GDA: variants seen among roughly 807,000 people sequenced by gnomAD.
GDA encodes the protein guanine deaminase, also known as cytoplasmic PSD-95 interactor.
GDA carries 18 observed loss-of-function variants against 59.6 expected under a neutral mutation model. The ratio of observed to expected loss-of-function variants is 0.30; its 90% CI spans 0.21 to 0.45. GDA has a LOEUF of 0.45. Among genes scored for constraint, GDA ranks in the 20% least tolerant of loss-of-function variants. The pLI is 1.00. For synonymous variants in GDA, 201 were observed against 201.1 expected (o/e 1.00, Z 0.00); for missense variants, 427 against 552.3 (o/e 0.77, Z 2.27).
At chr9:72,203,869 T>C (rs1477864322) in intron 3 of GDA, among the ~76,000 whole-genome samples, 1 of 151,490 alleles carries the variant, frequency 6.6e-6, no homozygotes, top group African/African-American at 2.4e-5. Flanking sequence ...CAAGCTGGAG[T>C]GCAGTGGCAT....
intron 9 of GDA, chr9:72,228,968 G>T (rs1261287078): frequency 6.6e-6 from 1 of 151,902 alleles, no homozygotes; most frequent in Non-Finnish European, 1.5e-5. Context: ...TAATTTCAGG[G>T]AATTCATAGA....
At chr9:72,215,929 T>C (rs1294613401) in intron 5 of GDA, among the ~76,000 whole-genome samples, 2 of 152,222 alleles carry the variant, frequency 1.3e-5, no homozygotes, top group Non-Finnish European at 2.9e-5. Flanking sequence ...CAGAGCAGGT[T>C]CACTGCACAT....
chr9:72,157,691 C>A (rs1325015620), intron 1 of GDA, among the ~76,000 whole-genome samples: 1 of 152,164 alleles, frequency 6.6e-6, no homozygotes, highest in Admixed American at 6.5e-5. Flanking sequence ...TTTTCTTGGA[C>A]CATGGGTAGT....
chr9:72,255,980 T>C (rs879180959), downstream of GDA, among the ~76,000 whole-genome samples: 2 of 59,494 alleles, frequency 3.4e-5, no homozygotes, highest in Admixed American at 4.9e-4. Flanking sequence ...TAAATGCATA[T>C]AAAAACTCAT....
chr9:72,207,842 T>G (rs1476206805), intron 3 of GDA, among the ~76,000 whole-genome samples: 1 of 152,110 alleles, frequency 6.6e-6, no homozygotes, highest in Non-Finnish European at 1.5e-5. Flanking sequence ...GTGTGGTGGC[T>G]CATGCCTATA....
intron 10 of GDA, among the ~76,000 whole-genome samples, chr9:72,236,904 C>T (rs1361072487): frequency 1.3e-5 from 2 of 151,676 alleles, no homozygotes; most frequent in Admixed American, 6.6e-5. Context: ...CTCAGCCTCC[C>T]GAGTAGCTGA....
At chr9:72,203,226 A>G (rs7029873) in intron 3 of GDA, among the ~76,000 whole-genome samples, 62,430 of 152,082 alleles carry the variant, frequency 0.41, 13,309 homozygotes, top group East Asian at 0.54. Flanking sequence ...AATAGTGCCT[A>G]GCACATGGTG....
At chr9:72,176,843 C>T (rs1243499752) in intron 1 of GDA, among the ~76,000 whole-genome samples, 4 of 152,120 alleles carry the variant, frequency 2.6e-5, no homozygotes, top group African/African-American at 7.2e-5. Flanking sequence ...AGCTTCCTCT[C>T]GTGTTTTAAT....
chr9:72,127,414 G>A (rs139085173), intron 1 of GDA, among the ~76,000 whole-genome samples: 145 of 152,034 alleles, frequency 9.5e-4, no homozygotes, highest in Middle Eastern at 3.4e-3. Flanking sequence ...GGAGGTGGGC[G>A]GATCATGAGG....
chr9:72,154,357 G>A (rs1827635615), intron 1 of GDA, among the ~76,000 whole-genome samples: 1 of 152,156 alleles, frequency 6.6e-6, no homozygotes, highest in Admixed American at 6.5e-5. Flanking sequence ...AAAATGCCTG[G>A]CACTTAGTGG....
intron 1 of GDA, among the ~76,000 whole-genome samples, chr9:72,188,698 C>A (rs1202350193): frequency 6.6e-6 from 1 of 152,140 alleles, no homozygotes; most frequent in Non-Finnish European, 1.5e-5. Context: ...CCAGAGCTGC[C>A]ACAGAGAGTC....
intron 1 of GDA, among the ~76,000 whole-genome samples, chr9:72,119,463 C>T (rs2130567782): frequency 6.6e-6 from 1 of 152,260 alleles, no homozygotes; most frequent in South Asian, 2.1e-4. Context: ...CGGGCCACTG[C>T]TCTTAAGCCT....
intron 3 of GDA, among the ~76,000 whole-genome samples, chr9:72,206,023 A>G (rs1215648994): frequency 6.6e-6 from 1 of 152,240 alleles, no homozygotes; most frequent in Non-Finnish European, 1.5e-5. Flanking sequence ...TTGAAAATTT[A>G]GAAAAATTTA....
At chr9:72,180,361 A>C (rs2131069006) in intron 1 of GDA, among the ~76,000 whole-genome samples, 2 of 152,286 alleles carry the variant, frequency 1.3e-5, no homozygotes, top group South Asian at 4.2e-4. Context: ...CCTCTCAAAA[A>C]AAATAAAAAT....
intron 1 of GDA, among the ~76,000 whole-genome samples, chr9:72,190,773 T>C (rs1022858505): frequency 1.3e-5 from 2 of 152,076 alleles, no homozygotes; most frequent in Admixed American, 1.3e-4. Flanking sequence ...AAAATATCTG[T>C]ACATAGATTT....
intron 1 of GDA, among the ~76,000 whole-genome samples, chr9:72,118,449 A>G (rs544161026): frequency 6.6e-6 from 1 of 152,248 alleles, no homozygotes; most frequent in Non-Finnish European, 1.5e-5. Context: ...TATAAAGGCA[A>G]GCGAACTCTA....
intron 1 of GDA, among the ~76,000 whole-genome samples, chr9:72,154,781 C>T (rs181172696): frequency 6.6e-6 from 1 of 152,356 alleles, no homozygotes; most frequent in East Asian, 1.9e-4. Flanking sequence ...GTTCTCTTTA[C>T]TGTCGCTGAC....
In GDA at chr9:72,150,014, T is replaced by A. The variant is rs559766499; in HGVS notation, c.123+332T>A. 7.9e-5 allele frequency among the ~76,000 whole-genome samples: 12 copies of A among 151,296 alleles called. No individual in the cohort carries two copies. The East Asian group carries it at 2.4e-3, about 30-fold the overall frequency. ...TCCAATCCTAAGATACCGGCAATAA[T>A]CTTCAATCTTGCTTAAATCATCTTT... On this transcript the variant is annotated intron_variant, in intron 1 of 13. Coordinates refer to ENST00000358399, the MANE Select transcript of GDA (RefSeq NM_004293.5).
chr9:72,121,046 AATACCCTCTCGAGAAGCAT>A, intron 1 of GDA, among the ~76,000 whole-genome samples: 1 of 152,290 alleles, frequency 6.6e-6, no homozygotes, highest in Admixed American at 6.5e-5. Flanking sequence ...CAGGCGTTTC[AATACCCTCTCGAGAAGCAT>A]ATAAATAGCA....
Sources: allele counts gnomAD v4.1 joint callset (sites outside exome capture counted in the v4.1 genomes callset), GRCh38; gene constraint gnomAD v4.1.1; transcripts MANE v1.5; gene names NCBI Gene and HGNC (gene_info 2026-07-23, HGNC 2026-07-21).